DPYSL3: variants seen among roughly 807,000 people sequenced by gnomAD.
DPYSL3 encodes dihydropyrimidinase-related protein 3.
Under a neutral mutation model 66.1 loss-of-function variants are expected in DPYSL3, and 16 were observed. That is an observed-to-expected ratio of 0.24 (90% confidence interval 0.16 to 0.37). The LOEUF (loss-of-function observed/expected upper bound fraction) is 0.37, where lower values mean the gene tolerates loss of function less well. DPYSL3 is among the 10% of genes least tolerant of loss of function. The pLI is 1.00. For synonymous variants in DPYSL3, 338 were observed against 345.1 expected (o/e 0.98, Z 0.23); for missense variants, 738 against 916.2 (o/e 0.81, Z 2.51).
At position 147,418,468 on chromosome 5, in the gene DPYSL3, C is replaced by T; in HGVS notation, c.634G>A (p.Ala212Thr). ...DFFQGTKAAL[A>T]GGTTMIIDHV... ...TTACTGATCATGGTGGTGCCACCTG[C>T]TAAGGCCGCCTTTGTCCCTTGGAAG... The change falls in exon 3 of 14, where the codon GCA (alanine) becomes ACA (threonine). Residue 212 changes from alanine (A) to threonine (T), a missense_variant. Physicochemically the swap from Ala to Thr is moderately conservative, Grantham distance 58. Coordinates refer to ENST00000343218, the MANE Select transcript of DPYSL3 (RefSeq NM_001197294.2). 1 of 1,610,162 alleles carries T rather than the reference C, an allele frequency of 6.2e-7. No homozygotes were observed.
chr5:147,476,909 T>G (rs917632694), intron 1 of DPYSL3, among the ~76,000 whole-genome samples: 11 of 152,194 alleles, frequency 7.2e-5, no homozygotes, highest in African/African-American at 2.7e-4. Flanking sequence ...AGACACCCTT[T>G]AGATGCTTTA....
At chr5:147,436,983 A>C (rs967198672) in intron 1 of DPYSL3, among the ~76,000 whole-genome samples, 3 of 152,250 alleles carry the variant, frequency 2.0e-5, no homozygotes, top group Non-Finnish European at 2.9e-5. Flanking sequence ...GAGAAAGGTC[A>C]GGTGTTAGTG....
At chr5:147,501,268 G>T (rs899454655) in intron 1 of DPYSL3, among the ~76,000 whole-genome samples, 2 of 152,088 alleles carry the variant, frequency 1.3e-5, no homozygotes, top group African/African-American at 4.8e-5. Flanking sequence ...ACAAAACTAT[G>T]GAGGCAGTAA....
chr5:147,420,563 T>C (rs1752058600), intron 2 of DPYSL3, among the ~76,000 whole-genome samples: 1 of 152,200 alleles, frequency 6.6e-6, no homozygotes, highest in East Asian at 1.9e-4. Flanking sequence ...ATGAGTCCAA[T>C]ATCTCAAAAA....
At chr5:147,428,812 C>A (rs970778261) in intron 1 of DPYSL3, among the ~76,000 whole-genome samples, 1 of 151,758 alleles carries the variant, frequency 6.6e-6, no homozygotes, top group Non-Finnish European at 1.5e-5. Context: ...GGGTGGGGTG[C>A]GGGGAGGAGG....
At chr5:147,427,695 C>T (rs1176773877) in intron 1 of DPYSL3, among the ~76,000 whole-genome samples, 1 of 152,154 alleles carries the variant, frequency 6.6e-6, no homozygotes, top group Non-Finnish European at 1.5e-5. Context: ...TACCAAGTCA[C>T]AGACCAGCAC....
intron 1 of DPYSL3, among the ~76,000 whole-genome samples, chr5:147,503,085 C>T (rs1753638509): frequency 6.6e-6 from 1 of 152,050 alleles, no homozygotes; most frequent in Admixed American, 6.5e-5. Flanking sequence ...AATAAAAGGG[C>T]ATCTATCACT....
At chr5:147,453,595 G>A (rs974865439) in intron 1 of DPYSL3, 4 of 1,535,518 alleles carry the variant, frequency 2.6e-6, no homozygotes, top group Non-Finnish European at 3.5e-6. Context: ...CATGGTGGCG[G>A]TGGTGGCTGC....
intron 1 of DPYSL3, among the ~76,000 whole-genome samples, chr5:147,430,220 G>A (rs1045629540): frequency 3.5e-4 from 54 of 152,284 alleles, no homozygotes; most frequent in African/African-American, 1.2e-3. Flanking sequence ...TGGGGGCCAG[G>A]TGTGGCGGCT....
intron 10 of DPYSL3, among the ~76,000 whole-genome samples, chr5:147,400,016 G>T (rs927438127): frequency 6.6e-6 from 1 of 152,210 alleles, no homozygotes. Flanking sequence ...ACACTGTGTA[G>T]ATTAATGAGG....
intron 1 of DPYSL3, among the ~76,000 whole-genome samples, chr5:147,447,866 C>CAA (rs1561791950): frequency 6.6e-6 from 1 of 151,580 alleles, no homozygotes; most frequent in Non-Finnish European, 1.5e-5. Context: ...CAAACAAACA[C>CAA]ATATATCCAT....
At chr5:147,458,874 G>A (rs548129694) in intron 1 of DPYSL3, among the ~76,000 whole-genome samples, 1 of 152,106 alleles carries the variant, frequency 6.6e-6, no homozygotes, top group Non-Finnish European at 1.5e-5. Context: ...AGTGTATAGG[G>A]GAATAAAGGA....
rs370827325 is a variant in DPYSL3, at chr5:147,446,036, T to TC, written c.382-21074dup. On this transcript the variant is annotated intron_variant, in intron 1 of 13. Coordinates refer to ENST00000343218, the MANE Select transcript of DPYSL3 (RefSeq NM_001197294.2). ...TATATCCAACACAGATGTTGGCTGG[T>TC]CCCTCTGAGTTTCAGCCAACAATGG... is the stretch of plus-strand genomic sequence containing the variant. Among the ~76,000 whole-genome samples the TC allele has an allele frequency of 2.1e-3, 321 of 152,274 alleles. 2 individuals carry two copies. The highest frequency in any genetic ancestry group is 6.8e-3 in the African/African-American group (281 of 41,560).
At position 147,430,507 on chromosome 5, in the gene DPYSL3, C is replaced by T. The variant is rs149897850; in HGVS notation, c.382-5544G>A. On this transcript the variant is annotated intron_variant, in intron 1 of 13. Coordinates refer to ENST00000343218, the MANE Select transcript of DPYSL3 (RefSeq NM_001197294.2). ...CCTAGGCAACAGAGTGAGACTCGGT[C>T]TCAAAAAAAAAAAAAAAGAAAAAAA... is the stretch of plus-strand genomic sequence containing the variant. Among the ~76,000 whole-genome samples the T allele has an allele frequency of 1.4e-3, 145 of 102,104 alleles. 1 individual carries two copies. Among genetic ancestry groups the T allele is most frequent in the East Asian group, 9.5e-3 (32 of 3,366 alleles). The allele number at this position is 102,104 out of a possible 152,430, so 67.0% of individuals were successfully genotyped here. A position where few individuals can be genotyped will look rare whatever the true frequency, so the allele number is the denominator to read the frequency against.
At chr5:147,413,249 C>G (rs183096757) in intron 5 of DPYSL3, among the ~76,000 whole-genome samples, 25 of 152,284 alleles carry the variant, frequency 1.6e-4, no homozygotes, top group Admixed American at 1.6e-3. Flanking sequence ...TTATTCCAAT[C>G]AGCAGAAGGC....
At chr5:147,418,406 C>A (rs1752013905) in intron 3 of DPYSL3, 41 bp downstream of exon 3, 1 of 1,535,616 alleles carries the variant, frequency 6.5e-7, no homozygotes, top group Non-Finnish European at 8.8e-7. Context: ...ATTAAACACA[C>A]ACTTCTGAGA....
intron 1 of DPYSL3, among the ~76,000 whole-genome samples, chr5:147,429,635 G>A (rs889609008): frequency 2.6e-5 from 4 of 152,154 alleles, no homozygotes; most frequent in Admixed American, 6.5e-5. Flanking sequence ...GATATATACA[G>A]AGAGGTGAGT....
At position 147,494,614 on chromosome 5, in the gene DPYSL3, C is replaced by A. The variant is rs572073728; in HGVS notation, c.381+14864G>T. On this transcript the variant is annotated intron_variant, in intron 1 of 13. Transcript: ENST00000343218. Reference sequence around the variant, plus strand: ...GGCCCGGTGGCTCACACCTGTAATCCCAGCACTTTGGGAGGCCGAGGCGGG... The same window carrying A: ...GGCCCGGTGGCTCACACCTGTAATCACAGCACTTTGGGAGGCCGAGGCGGG... Among the ~76,000 whole-genome samples the A allele has an allele frequency of 8.6e-5, 13 of 151,034 alleles. No individual in the cohort carries two copies. The East Asian group carries it at 2.3e-3, about 27-fold the overall frequency.
At chr5:147,477,566 T>G (rs1367612369) in intron 1 of DPYSL3, among the ~76,000 whole-genome samples, 1 of 108,016 alleles carries the variant, frequency 9.3e-6, no homozygotes, top group Non-Finnish European at 1.9e-5. Flanking sequence ...TAAATCTTTT[T>G]TTTTTTTTTT....
Sources: allele counts gnomAD v4.1 joint callset (sites outside exome capture counted in the v4.1 genomes callset), GRCh38; gene constraint gnomAD v4.1.1; transcripts MANE v1.5; gene names NCBI Gene and HGNC (gene_info 2026-07-23, HGNC 2026-07-21).